LEPR: variants seen among roughly 807,000 people sequenced by gnomAD.
LEPR encodes the protein leptin receptor, also known as OB receptor.
Under a neutral mutation model 114.7 loss-of-function variants are expected in LEPR, and 56 were observed. The observed-to-expected ratio is 0.49, with a 90% confidence interval of 0.39 to 0.61. The LOEUF is 0.61. Ranked by LOEUF, LEPR falls within the 20% of genes least tolerant of loss-of-function variation. The pLI is 0.00. For missense variants in LEPR, 1,202 were observed against 1,352.9 expected (o/e 0.89, Z 1.75); for synonymous variants, 443 against 461.4 (o/e 0.96, Z 0.51).
intron 2 of LEPR, among the ~76,000 whole-genome samples, chr1:65,539,455 A>G (rs373150919): frequency 6.6e-6 from 1 of 152,160 alleles, no homozygotes; most frequent in East Asian, 1.9e-4. Flanking sequence ...GATAGGCTTC[A>G]TGTTAGGCAC....
chr1:65,629,392 A>C (rs945309138), intron 19 of LEPR: 10 of 442,106 alleles, frequency 2.3e-5, no homozygotes, highest in African/African-American at 4.1e-5. Context: ...AAAAATAGAA[A>C]AACTAATAAA....
At chr1:65,546,887 A>T (rs1322074641) in intron 2 of LEPR, among the ~76,000 whole-genome samples, 3 of 152,136 alleles carry the variant, frequency 2.0e-5, no homozygotes, top group African/African-American at 7.2e-5. Flanking sequence ...GTCTTGTGCC[A>T]GTTTTCAAAG....
chr1:65,519,870 G>GTT (rs1251268395), intron 2 of LEPR, among the ~76,000 whole-genome samples: 1 of 151,704 alleles, frequency 6.6e-6, no homozygotes, highest in Non-Finnish European at 1.5e-5. Flanking sequence ...GTTTTGTTTT[G>GTT]TTTTTGTTTT....
chr1:65,558,538 GTTTTTTTTTTGTT>G (rs1653027643), intron 2 of LEPR, among the ~76,000 whole-genome samples: 2 of 9,112 alleles, frequency 2.2e-4, no homozygotes, highest in Admixed American at 1.7e-3. Context: ...TTTTTTTTTT[GTTTTTTTTTTGTT>G]TTTTTTTTTT....
intron 2 of LEPR, among the ~76,000 whole-genome samples, chr1:65,447,294 C>G (rs1646725533): frequency 1.3e-5 from 2 of 151,282 alleles, no homozygotes; most frequent in South Asian, 4.2e-4. Context: ...AATCAAGGCC[C>G]TCCCTCCTTC....
At chr1:65,564,837 A>G (rs907639964) in intron 2 of LEPR, among the ~76,000 whole-genome samples, 4 of 152,198 alleles carry the variant, frequency 2.6e-5, no homozygotes, top group African/African-American at 9.6e-5. Flanking sequence ...CAAGCCACAT[A>G]TATTAAAATT....
At chr1:65,578,954 C>A (rs988259305) in intron 5 of LEPR, among the ~76,000 whole-genome samples, 9 of 152,216 alleles carry the variant, frequency 5.9e-5, no homozygotes, top group African/African-American at 2.2e-4. Flanking sequence ...TATAGTGCCA[C>A]TGCCATCATA....
At chr1:65,460,888 T>C (rs1646936757) in intron 2 of LEPR, among the ~76,000 whole-genome samples, 1 of 151,560 alleles carries the variant, frequency 6.6e-6, no homozygotes, top group Non-Finnish European at 1.5e-5. Flanking sequence ...TTGAAATACT[T>C]TGTAAAATTA....
chr1:65,548,819 A>G (rs1652014659), intron 2 of LEPR, among the ~76,000 whole-genome samples: 1 of 152,112 alleles, frequency 6.6e-6, no homozygotes, highest in East Asian at 1.9e-4. Context: ...TTTAAAGTTA[A>G]TATCGTTATG....
chr1:65,532,056 C>T (rs908780278), intron 2 of LEPR, among the ~76,000 whole-genome samples: 9 of 152,286 alleles, frequency 5.9e-5, no homozygotes, highest in South Asian at 4.1e-4. Context: ...TTTAATTTTT[C>T]GCCATCTGAT....
At chr1:65,601,096 A>C (rs147258609) in intron 8 of LEPR, among the ~76,000 whole-genome samples, 2 of 152,024 alleles carry the variant, frequency 1.3e-5, no homozygotes. Flanking sequence ...TTTCCTGCCT[A>C]TCAGTTAGCA....
At chr1:65,502,873 G>A (rs779049006) in intron 2 of LEPR, among the ~76,000 whole-genome samples, 1 of 151,478 alleles carries the variant, frequency 6.6e-6, no homozygotes, top group Non-Finnish European at 1.5e-5. Flanking sequence ...ATGTCAGAGA[G>A]AATGGGGGTG....
chr1:65,465,902 T>C (rs1037476422), intron 2 of LEPR, among the ~76,000 whole-genome samples: 1 of 152,226 alleles, frequency 6.6e-6, no homozygotes, highest in Non-Finnish European at 1.5e-5. Flanking sequence ...ATCCCTTTAT[T>C]TTGAGCCTAT....
intron 2 of LEPR, among the ~76,000 whole-genome samples, chr1:65,555,628 C>A (rs1015535326): frequency 2.0e-5 from 3 of 152,160 alleles, no homozygotes; most frequent in African/African-American, 7.2e-5. Context: ...CTGCTCAAAT[C>A]TGTAATTATA....
At chr1:65,465,057 C>T (rs1646992793) in intron 2 of LEPR, among the ~76,000 whole-genome samples, 2 of 152,000 alleles carry the variant, frequency 1.3e-5, no homozygotes, top group Admixed American at 6.6e-5. Context: ...TATTTCTTGC[C>T]TTCTGCTAGC....
intron 2 of LEPR, among the ~76,000 whole-genome samples, chr1:65,491,353 C>T (rs1286037047): frequency 1.3e-5 from 2 of 152,088 alleles, no homozygotes; most frequent in Non-Finnish European, 2.9e-5. Flanking sequence ...GGCCCCATTT[C>T]CAGCTAACAG....
rs922097141 is a variant in LEPR, at chr1:65,637,280, CAACA to C, written c.*266_*269del. 5 of 349,450 alleles carry C rather than the reference CAACA, an allele frequency of 1.4e-5. No homozygotes were observed. The highest frequency in any genetic ancestry group is 1.0e-4 in the African/African-American group (5 of 48,184). The allele number at this position is 349,450 out of a possible 1,614,324, so 21.6% of individuals were successfully genotyped here. A position where few individuals can be genotyped will look rare whatever the true frequency, so the allele number is the denominator to read the frequency against. On this transcript the variant is annotated 3_prime_UTR_variant, in exon 20 of 20. Transcript: ENST00000349533. ...CCTTGTTTCCAGCTAGAAATAAGCCCAACAGACACCATCTTTTGTGAGATGTAAT... is the reference window on the plus strand; with the variant it reads ...CCTTGTTTCCAGCTAGAAATAAGCCCGACACCATCTTTTGTGAGATGTAAT...
chr1:65,598,624 C>T, intron 7 of LEPR, 36 bp from the exon 8 acceptor site: 2 of 1,610,610 alleles, frequency 1.2e-6, no homozygotes, highest in Non-Finnish European at 1.7e-6. Flanking sequence ...TCCACATCAA[C>T]TTGATGTTCT....
At chr1:65,522,361 T>C (rs965657451) in intron 2 of LEPR, among the ~76,000 whole-genome samples, 1 of 152,178 alleles carries the variant, frequency 6.6e-6, no homozygotes, top group Non-Finnish European at 1.5e-5. Flanking sequence ...AGGTTTACCA[T>C]TTTCCCATTT....
Sources: gnomAD v4.1 joint callset for allele counts (sites outside exome capture counted in the v4.1 genomes callset) on GRCh38, gnomAD v4.1.1 for gene constraint, MANE v1.5 for transcripts, NCBI Gene and HGNC (gene_info 2026-07-23, HGNC 2026-07-21) for gene names.